KIF13A: variants seen among roughly 807,000 people sequenced by gnomAD.
KIF13A encodes the protein kinesin family member 13A.
Under a neutral mutation model 212.2 loss-of-function variants are expected in KIF13A, and 79 were observed. The observed-to-expected ratio is 0.37, with a 90% confidence interval of 0.31 to 0.45. The LOEUF is 0.45. Ranked by LOEUF, KIF13A falls within the 20% of genes least tolerant of loss-of-function variation. The pLI is 1.00. For synonymous variants in KIF13A, 789 were observed against 808.6 expected (o/e 0.98, Z 0.41); for missense variants, 1,901 against 2,209.0 (o/e 0.86, Z 2.79).
At position 17,871,635 on chromosome 6, in the gene KIF13A, T is replaced by G. The variant is rs1581592679; in HGVS notation, c.220+1742A>C. 6.6e-6 allele frequency among the ~76,000 whole-genome samples: 1 copy of G among 152,002 alleles called. No individual in the cohort carries two copies. Among genetic ancestry groups the G allele is most frequent in the East Asian group, 1.9e-4 (1 of 5,188 alleles). ...ACAGACACTGGGCTGAGGCACTGAA[T>G]GAGTGGTGAGAGGAGTCCCAGAAGA... is the stretch of plus-strand genomic sequence containing the variant. On this transcript the variant is annotated intron_variant, in intron 4 of 38. Coordinates refer to ENST00000259711, the MANE Select transcript of KIF13A (RefSeq NM_022113.6). This position sits in a 1 kb window ranked among gnomAD's most constrained non-coding sequence, Gnocchi z 4.4.
At chr6:17,873,478 ACTT>A (rs747895778) in intron 3 of KIF13A, 41 bp from the exon 4 acceptor site, 6 of 1,317,504 alleles carry the variant, frequency 4.6e-6, no homozygotes, top group South Asian at 1.3e-5. Context: ...AGATTAATTA[ACTT>A]CTTATGAGTA....
chr6:17,901,589 A>G (rs1773063433), intron 2 of KIF13A, among the ~76,000 whole-genome samples: 1 of 152,144 alleles, frequency 6.6e-6, no homozygotes, highest in Non-Finnish European at 1.5e-5. Context: ...ACTTTAACCA[A>G]TCAAATAATT....
At chr6:17,975,273 A>C (rs112045430) in intron 2 of KIF13A, among the ~76,000 whole-genome samples, 11,099 of 152,226 alleles carry the variant, frequency 0.073, 470 homozygotes, top group Middle Eastern at 0.13. Flanking sequence ...GAATTGTTTG[A>C]ATCTGGGAGG....
intron 3 of KIF13A, chr6:17,881,695 CA>C: frequency 1.9e-4 from 61 of 322,346 alleles, no homozygotes; most frequent in South Asian, 2.5e-4. Context: ...GACTGTGTCT[CA>C]AAAAAAAGCA....
chr6:17,968,418 G>A lies in KIF13A; in HGVS notation c.146+18636C>T, dbSNP rs1301351950. 2.6e-5 allele frequency among the ~76,000 whole-genome samples: 4 copies of A among 152,164 alleles called. No individual in the cohort carries two copies. The highest frequency in any genetic ancestry group is 9.7e-5 in the African/African-American group (4 of 41,430). ...AACAGCTTCTCATGCTGACTCACAA[G>A]AATGCCCAACTACATCAGGTTGGTG... On this transcript the variant is annotated intron_variant, in intron 2 of 38. Coordinates refer to ENST00000259711, the MANE Select transcript of KIF13A (RefSeq NM_022113.6). The surrounding 1 kb of genome is among the most constrained non-coding windows in gnomAD (Gnocchi z 4.7).
At chr6:17,779,930 T>G (rs952358394) in intron 31 of KIF13A, among the ~76,000 whole-genome samples, 2 of 151,370 alleles carry the variant, frequency 1.3e-5, no homozygotes, top group African/African-American at 4.9e-5. Context: ...GTATTTTTAG[T>G]AGAGACGGGG....
chr6:17,825,688 C>G lies in KIF13A; in HGVS notation c.1786+80G>C. On this transcript the variant is annotated intron_variant, in intron 16 of 38. Transcript: ENST00000259711. This position sits in a 1 kb window ranked among gnomAD's most constrained non-coding sequence, Gnocchi z 4.5. ...TAAAATGTGGAATGCGGAATGACAC[C>G]TGATGCATGCTTATCCCTCACTGAA... The G allele has an allele frequency of 7.6e-7, 1 of 1,322,292 alleles. No homozygotes were observed. The highest frequency in any genetic ancestry group is 1.1e-6 in the Non-Finnish European group (1 of 949,808). The allele number at this position is 1,322,292 out of a possible 1,614,324, so 81.9% of individuals were successfully genotyped here.
Position 17,771,024 on chromosome 6 carries a change from C to A in KIF13A, c.4581+90G>T. ...TTTAAGACAAAGACCCAATACATGT[C>A]TTAATTTCTTCTAGCATTTGGATGA... On this transcript the variant is annotated intron_variant, in intron 38 of 38. Transcript: ENST00000259711. This position sits in a 1 kb window ranked among gnomAD's most constrained non-coding sequence, Gnocchi z 5.4. 2 of 842,896 alleles carry A rather than the reference C, an allele frequency of 2.4e-6. No homozygotes were observed. Among genetic ancestry groups the A allele is most frequent in the Non-Finnish European group, 3.8e-6 (2 of 520,538 alleles). The allele number at this position is 842,896 out of a possible 1,614,324, so 52.2% of individuals were successfully genotyped here.
chr6:17,849,935 G>T lies in KIF13A; in HGVS notation c.717+388C>A, dbSNP rs1302607873. On this transcript the variant is annotated intron_variant, in intron 8 of 38. Coordinates refer to ENST00000259711, the MANE Select transcript of KIF13A (RefSeq NM_022113.6). This position sits in a 1 kb window ranked among gnomAD's most constrained non-coding sequence, Gnocchi z 5.7. The stretch of plus-strand genomic sequence containing the variant: ...CAGCATGAAAGGATATATATTAAAA[G>T]CTGTATGGTGATGTCATCACACTTG... Among the ~76,000 whole-genome samples the T allele has an allele frequency of 6.6e-6, 1 of 152,276 alleles. No individual in the cohort carries two copies. The highest frequency in any genetic ancestry group is 1.9e-4 in the East Asian group (1 of 5,180).
intron 2 of KIF13A, among the ~76,000 whole-genome samples, chr6:17,909,750 C>G (rs1036810099): frequency 5.3e-5 from 8 of 151,598 alleles, no homozygotes; most frequent in Middle Eastern, 6.8e-3. Context: ...AAAAATTAGC[C>G]AGGTGTGGTG....
At chr6:17,847,440 G>A (rs1767184803) in intron 9 of KIF13A, among the ~76,000 whole-genome samples, 1 of 152,188 alleles carries the variant, frequency 6.6e-6, no homozygotes, top group African/African-American at 2.4e-5. Flanking sequence ...CTTTCCCTGT[G>A]AGTACGGCTG....
intron 4 of KIF13A, among the ~76,000 whole-genome samples, chr6:17,867,576 T>A (rs1769531640): frequency 6.6e-6 from 1 of 152,224 alleles, no homozygotes; most frequent in Non-Finnish European, 1.5e-5. Flanking sequence ...GAGGTGCTGT[T>A]ATTATTGCCT....
chr6:17,961,564 T>C lies in KIF13A; in HGVS notation c.146+25490A>G, dbSNP rs1033298720. On this transcript the variant is annotated intron_variant, in intron 2 of 38. Transcript: ENST00000259711. This position sits in a 1 kb window ranked among gnomAD's most constrained non-coding sequence, Gnocchi z 4.1. Reference sequence around the variant, plus strand: ...AACAGCCCAGTGACTGTATTTATAGTAGAGATGTTATTGAAGATATTGTTC... The same window carrying C: ...AACAGCCCAGTGACTGTATTTATAGCAGAGATGTTATTGAAGATATTGTTC... 1.3e-5 allele frequency among the ~76,000 whole-genome samples: 2 copies of C among 152,202 alleles called. No individual in the cohort carries two copies. Among genetic ancestry groups the C allele is most frequent in the African/African-American group, 4.8e-5 (2 of 41,446 alleles).
chr6:17,836,060 T>C (rs1765925999), intron 11 of KIF13A, among the ~76,000 whole-genome samples: 1 of 152,202 alleles, frequency 6.6e-6, no homozygotes, highest in Non-Finnish European at 1.5e-5. Flanking sequence ...AATAAGACAG[T>C]GCCTCACCCA....
intron 20 of KIF13A, 98 bp from the exon 21 acceptor site, chr6:17,800,211 G>T: frequency 1.8e-6 from 2 of 1,133,986 alleles, no homozygotes; most frequent in Non-Finnish European, 2.5e-6. Context: ...CTGGAGAGGG[G>T]CTCTGCAGCT....
At chr6:17,868,218 T>G (rs1769609253) in intron 4 of KIF13A, among the ~76,000 whole-genome samples, 2 of 152,240 alleles carry the variant, frequency 1.3e-5, no homozygotes, top group South Asian at 4.1e-4. Flanking sequence ...CAGACTGCTT[T>G]TTTTTTATTT....
chr6:17,833,598 G>A (rs1765653744), intron 12 of KIF13A, among the ~76,000 whole-genome samples: 1 of 151,656 alleles, frequency 6.6e-6, no homozygotes, highest in African/African-American at 2.4e-5. Context: ...GCTCATGCCT[G>A]TAATCCCAGC....
rs1462789221 is a variant in KIF13A, at chr6:17,898,967, C to G, written c.147-787G>C. Among the ~76,000 whole-genome samples the G allele has an allele frequency of 3.3e-5, 5 of 152,072 alleles. No homozygotes were observed. The highest frequency in any genetic ancestry group is 7.4e-5 in the Non-Finnish European group (5 of 68,024). ...CCTCCTACCTCAGCCTCCCACATAA[C>G]TAGGACTATAGGTGTGTGCCACCAC... On this transcript the variant is annotated intron_variant, in intron 2 of 38. Coordinates refer to ENST00000259711, the MANE Select transcript of KIF13A (RefSeq NM_022113.6). This position sits in a 1 kb window ranked among gnomAD's most constrained non-coding sequence, Gnocchi z 5.2.
Position 17,926,383 on chromosome 6 carries a change from C to G in KIF13A, c.147-28203G>C, listed in dbSNP as rs1340574049. ...GAGTAGCTGGGATAACAGGCACGCA[C>G]CACCACACCCGGCTAATTTTTGTAT... On this transcript the variant is annotated intron_variant, in intron 2 of 38. Coordinates refer to ENST00000259711, the MANE Select transcript of KIF13A (RefSeq NM_022113.6). This position sits in a 1 kb window ranked among gnomAD's most constrained non-coding sequence, Gnocchi z 4.3. 6.6e-6 allele frequency among the ~76,000 whole-genome samples: 1 copy of G among 152,166 alleles called. No individual in the cohort carries two copies. The highest frequency in any genetic ancestry group is 6.5e-5 in the Admixed American group (1 of 15,276).
Sources: gnomAD v4.1 joint callset for allele counts (sites outside exome capture counted in the v4.1 genomes callset) on GRCh38, gnomAD v4.1.1 for gene constraint, Gnocchi (gnomAD v3.1) non-coding constraint, MANE v1.5 for transcripts, NCBI Gene and HGNC (gene_info 2026-07-23, HGNC 2026-07-21) for gene names.